Variants in FBN1 observed in about 807,000 individuals in gnomAD.
The protein encoded by FBN1 is fibrillin 1.
In FBN1, 29 loss-of-function variants were observed where a neutral mutation model predicts 365.1. That is an observed-to-expected ratio of 0.08 (90% CI 0.06 to 0.11). The LOEUF is 0.11. Ranked by LOEUF, FBN1 falls within the 10% of genes least tolerant of loss-of-function variation. FBN1 has a pLI of 1.00. For missense variants in FBN1, 2,476 were observed against 3,703.2 expected (o/e 0.67, Z 8.60); for synonymous variants, 1,210 against 1,270.5 (o/e 0.95, Z 1.01).
At position 48,410,694 on chromosome 15, in the gene FBN1, T is replaced by C. The variant is rs2042853153; in HGVS notation, c.*296A>G. The C allele has an allele frequency of 2.7e-6, 1 of 372,110 alleles. No homozygotes were observed. Among genetic ancestry groups the C allele is most frequent in the Non-Finnish European group, 4.9e-6 (1 of 205,912 alleles). The allele number at this position is 372,110 out of a possible 1,614,324, so 23.1% of individuals were successfully genotyped here. On this transcript the variant is annotated 3_prime_UTR_variant, in exon 66 of 66. Coordinates refer to ENST00000316623, the MANE Select transcript of FBN1 (RefSeq NM_000138.5). ...CATTCCCGTACGTTTGCTGGAAGGA[T>C]GGCATGTCAGCATAAATGGCCAACC...
At chr15:48,558,574 C>A (rs886232160) in intron 6 of FBN1, among the ~76,000 whole-genome samples, 5 of 152,014 alleles carry the variant, frequency 3.3e-5, no homozygotes, top group African/African-American at 1.2e-4. Context: ...AGAAGTTAGG[C>A]AGAATTATGA....
chr15:48,412,765 G>C (rs1311899922), intron 64 of FBN1, 22 bp from the exon 65 acceptor site: 1 of 1,613,782 alleles, frequency 6.2e-7, no homozygotes, highest in Admixed American at 1.7e-5. Flanking sequence ...GGGGAGCATA[G>C]ATGTTTTTCA....
chr15:48,425,924 A>AG, intron 58 of FBN1, 60 bp from the exon 59 acceptor site: 2 of 1,346,340 alleles, frequency 1.5e-6, no homozygotes, highest in Admixed American at 3.4e-5. Context: ...ATTAATATGT[A>AG]GGGGGTCACT....
chr15:48,466,701 T>A (rs1218715007), intron 38 of FBN1, among the ~76,000 whole-genome samples: 1 of 152,120 alleles, frequency 6.6e-6, no homozygotes, highest in African/African-American at 2.4e-5. Flanking sequence ...TCTGGTGTGG[T>A]GTGGATATCT....
rs1555399208 is a variant in FBN1 at position 48,495,566 on chromosome 15, A to T, written c.2442T>A (p.Ser814Arg). 2 of 1,614,082 alleles carry T rather than the reference A, an allele frequency of 1.2e-6. No homozygotes were observed. Among genetic ancestry groups the T allele is most frequent in the Non-Finnish European group, 1.7e-6 (2 of 1,179,996 alleles). ...TCEDIDECES[S>R]PCINGVCKNS... ...TCTTGCAGACTCCATTAATGCAAGG[A>T]CTTGATTCGCATTCATCAATGTCTG... Residue 814 changes from serine (S) to arginine (R), a missense_variant, in exon 21 of 66, where the codon AGT becomes AGA. Transcript: ENST00000316623.
In FBN1 at chr15:48,437,162, A is replaced by T. The variant is rs363817; in HGVS notation, c.6380-85T>A. ...TATGATCATTTCAGTGTTTAATCAA[A>T]AGATTATCTAATAATGCAATAATAT... On this transcript the variant is annotated intron_variant, in intron 52 of 65. Transcript: ENST00000316623. 0.023 allele frequency: 27,276 copies of T among 1,161,392 alleles called. 633 individuals carry two copies. Among genetic ancestry groups the T allele is most frequent in the East Asian group, 0.1 (4,410 of 42,056 alleles). The allele number at this position is 1,161,392 out of a possible 1,614,324, so 71.9% of individuals were successfully genotyped here. A position where few individuals can be genotyped will look rare whatever the true frequency, so the allele number is the denominator to read the frequency against.
chr15:48,596,639 A>C (rs1360457964), intron 5 of FBN1, among the ~76,000 whole-genome samples: 1 of 152,208 alleles, frequency 6.6e-6, no homozygotes, highest in East Asian at 1.9e-4. Context: ...TTTCAGTTTA[A>C]CCTCGAAAAC....
chr15:48,598,049 ACT>A (rs2044529343), intron 5 of FBN1, among the ~76,000 whole-genome samples: 1 of 152,132 alleles, frequency 6.6e-6, no homozygotes, highest in Non-Finnish European at 1.5e-5. Flanking sequence ...CTTAGTTAGG[ACT>A]TGTCTTCCTG....
chr15:48,591,741 T>TTAGAGTTA (rs2044478418), intron 6 of FBN1, among the ~76,000 whole-genome samples: 1 of 151,904 alleles, frequency 6.6e-6, no homozygotes, highest in Admixed American at 6.6e-5. Context: ...AGTGAGGTCT[T>TTAGAGTTA]CAGAGTTACG....
intron 31 of FBN1, 58 bp downstream of exon 31, chr15:48,483,760 A>G (rs2043484057): frequency 1.2e-6 from 2 of 1,604,924 alleles, no homozygotes. Flanking sequence ...ACTTTATGTA[A>G]TTTAACAGTG....
chr15:48,432,742 G>T, intron 55 of FBN1, 124 bp downstream of exon 55: 1 of 1,294,662 alleles, frequency 7.7e-7, no homozygotes. Flanking sequence ...GACAACCCCC[G>T]TATTGTCCAC....
At chr15:48,482,938 A>C (rs1324656705) in intron 31 of FBN1, among the ~76,000 whole-genome samples, 1 of 152,196 alleles carries the variant, frequency 6.6e-6, no homozygotes, top group Non-Finnish European at 1.5e-5. Flanking sequence ...TTACCCCTAG[A>C]CTAAGTGTAG....
At chr15:48,430,483 T>C (rs1162523281) in intron 56 of FBN1, among the ~76,000 whole-genome samples, 188 bp downstream of exon 56, 1 of 152,154 alleles carries the variant, frequency 6.6e-6, no homozygotes, top group African/African-American at 2.4e-5. Context: ...AGAGGGACAA[T>C]GACAGTGCTC....
chr15:48,607,389 A>G (rs1037843858), intron 4 of FBN1, among the ~76,000 whole-genome samples: 1 of 145,516 alleles, frequency 6.9e-6, no homozygotes, highest in African/African-American at 2.5e-5. Flanking sequence ...TATATATATT[A>G]TTGTCTAAAT....
chr15:48,518,197 A>C lies in FBN1; in HGVS notation c.1148-1835T>G, dbSNP rs72739821. Among the ~76,000 whole-genome samples, 345 of 152,316 alleles carry C rather than the reference A, an allele frequency of 2.3e-3. 1 individual carries two copies. The highest frequency in any genetic ancestry group is 3.5e-3 in the Non-Finnish European group (240 of 68,016). On this transcript the variant is annotated intron_variant, in intron 10 of 65. Coordinates refer to ENST00000316623, the MANE Select transcript of FBN1 (RefSeq NM_000138.5). ...CAAGATGTCTCAATCCTGTTTGTCA[A>C]CCAACAGTGATTCTTCCTATAGATT...
intron 2 of FBN1, among the ~76,000 whole-genome samples, chr15:48,634,948 A>C (rs899746646): frequency 6.6e-6 from 1 of 151,758 alleles, no homozygotes; most frequent in Non-Finnish European, 1.5e-5. Flanking sequence ...ATTAATAAAG[A>C]TATTACCATA....
intron 65 of FBN1, among the ~76,000 whole-genome samples, chr15:48,411,591 G>A (rs2042864507): frequency 6.6e-6 from 1 of 152,198 alleles, no homozygotes; most frequent in Non-Finnish European, 1.5e-5. Flanking sequence ...AGGAAGAAAG[G>A]CAGGTTGAAA....
In FBN1 at chr15:48,644,757, G is replaced by C; in HGVS notation, c.13C>G (p.Arg5Gly). The C allele has an allele frequency of 1.2e-6, 2 of 1,610,980 alleles. No homozygotes were observed. The highest frequency in any genetic ancestry group is 1.1e-5 in the South Asian group (1 of 91,054). MRRG[R>G]LLEIALGFTV... ...AATCCCAGGGCGATCTCCAGCAGAC[G>C]CCCTCGACGCATGATGCCGAGCCGC... is the stretch of plus-strand genomic sequence containing the variant. Residue 5 changes from arginine to glycine, a missense_variant, in exon 2 of 66, where the codon CGT becomes GGT. Arg to Gly is a moderately radical substitution (Grantham distance 125). Around this residue, in one of 5 missense-constraint regions of FBN1, gnomAD observed 76 missense variants for 85.4 expected, o/e 0.89. Transcript: ENST00000316623.
At chr15:48,559,065 G>C (rs1193405420) in intron 6 of FBN1, among the ~76,000 whole-genome samples, 5 of 152,194 alleles carry the variant, frequency 3.3e-5, no homozygotes, top group Non-Finnish European at 7.3e-5. Context: ...TGCCCCAAGA[G>C]TTTTGGTCAA....
Sources: gnomAD v4.1 joint callset for allele counts (sites outside exome capture counted in the v4.1 genomes callset) on GRCh38, gnomAD v4.1.1 for gene constraint, gnomAD v4.1.1 regional missense constraint, MANE v1.5 for transcripts, NCBI Gene and HGNC (gene_info 2026-07-23, HGNC 2026-07-21) for gene names.